THSD4: variants seen among roughly 807,000 people sequenced by gnomAD.
THSD4 encodes thrombospondin type 1 domain containing 4, also known as thrombospondin type-1 domain-containing protein 4.
A neutral mutation model predicts 119.0 loss-of-function variants in THSD4; 69 were observed. That is an observed-to-expected ratio of 0.58 (90% CI 0.48 to 0.71). The LOEUF (loss-of-function observed/expected upper bound fraction) is 0.71, where lower values mean the gene tolerates loss of function less well. THSD4 is among the 30% of genes least tolerant of loss of function. THSD4 has a pLI of 0.00. For missense variants in THSD4, 1,393 were observed against 1,391.1 expected (o/e 1.00, Z -0.02); for synonymous variants, 524 against 540.4 (o/e 0.97, Z 0.42).
rs71438517 is a variant in THSD4 at position 71,524,587 on chromosome 15, C to CTTTTTTTT, written c.1152+112785_1152+112792dup. Among the ~76,000 whole-genome samples, 43 of 59,528 alleles carry CTTTTTTTT rather than the reference C, an allele frequency of 7.2e-4. 1 individual carries two copies. Among genetic ancestry groups the CTTTTTTTT allele is most frequent in the Non-Finnish European group, 1.2e-3 (39 of 31,982 alleles). 39.1% of individuals were successfully genotyped at this position (59,528 alleles called of 152,430 possible). On this transcript the variant is annotated intron_variant, in intron 7 of 17. Transcript: ENST00000261862. ...TAAGAGCCCTTCTTGGTTTATGCCT[C>CTTTTTTTT]TTTTTTTTTTTTTTTTTTTTTTTTT...
In THSD4 at chr15:71,709,483, C is replaced by T. The variant is rs190120664; in HGVS notation, c.1358-19066C>T. On this transcript the variant is annotated intron_variant, in intron 8 of 17. Transcript: ENST00000261862. ...TGCTCTCCTGTGCCATGATCAGACC[C>T]GTCCTAGTTATTACCTTCCAGGGGG... is the stretch of plus-strand genomic sequence containing the variant. Among the ~76,000 whole-genome samples, 72 of 152,248 alleles carry T rather than the reference C, an allele frequency of 4.7e-4. No homozygotes were observed. The East Asian group carries it at 0.013, about 27-fold the overall frequency.
At position 71,551,371 on chromosome 15, in the gene THSD4, AG is replaced by A. The variant is rs538932367; in HGVS notation, c.1153-109156del. ...ACAAACAGTGAATGATCATGCAATA[AG>A]GGTCTCTCATTAATTGCAAGAGCAA... On this transcript the variant is annotated intron_variant, in intron 7 of 17. Transcript: ENST00000261862. 2.6e-3 allele frequency among the ~76,000 whole-genome samples: 395 copies of A among 152,334 alleles called. 1 individual carries two copies. The highest frequency in any genetic ancestry group is 8.3e-3 in the African/African-American group (347 of 41,578).
At chr15:71,330,672 T>G (rs951180333) in intron 6 of THSD4, among the ~76,000 whole-genome samples, 8 of 152,216 alleles carry the variant, frequency 5.3e-5, no homozygotes, top group Non-Finnish European at 7.3e-5. Context: ...AGCGCTTTCC[T>G]TCCTGCCCCT....
At chr15:71,608,235 A>ATATAT (rs1198640794) in intron 7 of THSD4, among the ~76,000 whole-genome samples, 6 of 51,002 alleles carry the variant, frequency 1.2e-4, no homozygotes, top group African/African-American at 3.5e-4. Flanking sequence ...AAAAAAAAAA[A>ATATAT]AAATATATAT....
chr15:71,473,447 C>G (rs2047612289), intron 7 of THSD4, among the ~76,000 whole-genome samples: 1 of 152,164 alleles, frequency 6.6e-6, no homozygotes, highest in African/African-American at 2.4e-5. Context: ...CAGCTGGAAC[C>G]CTGAGCACGG....
intron 8 of THSD4, among the ~76,000 whole-genome samples, chr15:71,716,672 G>T (rs1474966372): frequency 6.6e-6 from 1 of 151,738 alleles, no homozygotes; most frequent in Non-Finnish European, 1.5e-5. Context: ...CAGCGAGTGG[G>T]CTGTTATCCT....
At chr15:71,353,593 T>C (rs2045771584) in intron 6 of THSD4, among the ~76,000 whole-genome samples, 1 of 152,236 alleles carries the variant, frequency 6.6e-6, no homozygotes, top group African/African-American at 2.4e-5. Flanking sequence ...TTATATTGTA[T>C]ACAAAATGTT....
intron 7 of THSD4, among the ~76,000 whole-genome samples, chr15:71,644,645 T>G (rs1364074971): frequency 6.6e-6 from 1 of 152,224 alleles, no homozygotes; most frequent in African/African-American, 2.4e-5. Flanking sequence ...TGTTGCTGAC[T>G]TTGAGTCACA....
chr15:71,599,630 G>A (rs556758470), intron 7 of THSD4, among the ~76,000 whole-genome samples: 1 of 152,302 alleles, frequency 6.6e-6, no homozygotes, highest in Admixed American at 6.5e-5. Context: ...CAAGCCCGTG[G>A]TATGTGCTCC....
chr15:71,121,118 G>T (rs895521583), intron 1 of THSD4, among the ~76,000 whole-genome samples: 1 of 148,504 alleles, frequency 6.7e-6, no homozygotes, highest in Admixed American at 6.8e-5. Context: ...CTGAAATGTC[G>T]CGTCTCTGAT....
At position 71,736,498 on chromosome 15, in the gene THSD4, T is replaced by G. The variant is rs542289435; in HGVS notation, c.1631-1234T>G. ...CTCTCACTCTCTGTCTCTGTGTCTC[T>G]GTCTTGCTCTCTCTATCTGTGTCTC... is the stretch of plus-strand genomic sequence containing the variant. On this transcript the variant is annotated intron_variant, in intron 10 of 17. Coordinates refer to ENST00000261862, the MANE Select transcript of THSD4 (RefSeq NM_024817.3). Among the ~76,000 whole-genome samples, 21 of 152,132 alleles carry G rather than the reference T, an allele frequency of 1.4e-4. No individual in the cohort carries two copies. In the East Asian group the frequency reaches 4.1e-3, roughly 29 times the overall value.
intron 5 of THSD4, among the ~76,000 whole-genome samples, chr15:71,245,730 A>G (rs1313932307): frequency 6.6e-6 from 1 of 152,190 alleles, no homozygotes; most frequent in Non-Finnish European, 1.5e-5. Context: ...TGCCTGCCAC[A>G]TATCAAAATT....
intron 15 of THSD4, among the ~76,000 whole-genome samples, chr15:71,764,291 AT>A (rs771738951): frequency 7.2e-5 from 11 of 152,224 alleles, no homozygotes; most frequent in Non-Finnish European, 1.0e-4. Context: ...AACAAAAAAC[AT>A]TTTGCAAAGT....
At chr15:71,244,074 C>T (rs923994842) in intron 5 of THSD4, among the ~76,000 whole-genome samples, 1 of 149,264 alleles carries the variant, frequency 6.7e-6, no homozygotes, top group African/African-American at 2.5e-5. Context: ...TGTGAGCCAC[C>T]GCACCTGGCC....
intron 8 of THSD4, among the ~76,000 whole-genome samples, chr15:71,661,687 C>A (rs570965222): frequency 6.6e-6 from 1 of 152,100 alleles, no homozygotes; most frequent in Admixed American, 6.5e-5. Flanking sequence ...TGAGCCACCA[C>A]GCCTGGCCTT....
intron 7 of THSD4, among the ~76,000 whole-genome samples, chr15:71,515,214 A>G (rs1480953721): frequency 6.6e-6 from 1 of 152,218 alleles, no homozygotes; most frequent in African/African-American, 2.4e-5. Context: ...TCCCTGTGCT[A>G]AGTACTACCT....
intron 2 of THSD4, among the ~76,000 whole-genome samples, chr15:71,143,508 T>G (rs544512286): frequency 6.6e-6 from 1 of 152,016 alleles, no homozygotes; most frequent in South Asian, 2.1e-4. Context: ...AAGCAGATTA[T>G]GAAAGGTAGG....
At chr15:71,662,267 G>A (rs541644797) in intron 8 of THSD4, among the ~76,000 whole-genome samples, 28 of 152,122 alleles carry the variant, frequency 1.8e-4, no homozygotes, top group Non-Finnish European at 3.7e-4. Flanking sequence ...GTTTTACGGG[G>A]GGGGAGGAGG....
rs561374583 is a variant in THSD4 at position 71,441,744 on chromosome 15, C to G, written c.1152+29921C>G. 6.6e-5 allele frequency among the ~76,000 whole-genome samples: 10 copies of G among 152,024 alleles called. No homozygotes were observed. In the South Asian group the frequency reaches 1.2e-3, roughly 19 times the overall value. The stretch of plus-strand genomic sequence containing the variant: ...AGTAACATGCAGTAGGACTTACTAC[C>G]CTGCCTCTCAGGAGCTGGATCTCCT... On this transcript the variant is annotated intron_variant, in intron 7 of 17. Coordinates refer to ENST00000261862, the MANE Select transcript of THSD4 (RefSeq NM_024817.3).
Sources: gnomAD v4.1 joint callset for allele counts (sites outside exome capture counted in the v4.1 genomes callset) on GRCh38, gnomAD v4.1.1 for gene constraint, MANE v1.5 for transcripts, NCBI Gene and HGNC (gene_info 2026-07-23, HGNC 2026-07-21) for gene names.